The following COL5A1 variants were observed in gnomAD, a reference collection of about 807,000 sequenced individuals.
The protein encoded by COL5A1 is collagen alpha-1(V) chain.
COL5A1 carries 16 observed loss-of-function variants against 263.7 expected under a neutral mutation model. The observed-to-expected ratio is 0.06, with a 90% CI of 0.04 to 0.09. The LOEUF is 0.09. COL5A1 is among the 10% of genes least tolerant of loss of function. COL5A1 has a pLI of 1.00. For missense variants in COL5A1, 2,036 were observed against 2,540.5 expected, an observed-to-expected ratio of 0.80 and a Z score of 4.27; for synonymous variants, 1,012 against 1,004.5, an observed-to-expected ratio of 1.01 and a Z score of -0.14.
intron 27 of COL5A1, 25 bp from the exon 28 acceptor site, chr9:134,780,077 C>T (rs374770348): frequency 6.0e-5 from 96 of 1,613,308 alleles, no homozygotes; most frequent in Admixed American, 2.3e-4. Flanking sequence ...ACCATTCACT[C>T]CTTTTTCTTT....
chr9:134,745,591 C>T (rs1835481641), intron 11 of COL5A1, among the ~76,000 whole-genome samples: 1 of 152,146 alleles, frequency 6.6e-6, no homozygotes, highest in African/African-American at 2.4e-5. Flanking sequence ...TGATAGGGCC[C>T]CGCTTCCAGT....
intron 63 of COL5A1, among the ~76,000 whole-genome samples, chr9:134,829,466 C>T (rs1268351609): frequency 4.7e-5 from 7 of 150,358 alleles, no homozygotes; most frequent in Non-Finnish European, 7.4e-5. Flanking sequence ...GGCCTCCGGT[C>T]TCCCCGAGGG....
chr9:134,726,345 T>G (rs1184640271), intron 4 of COL5A1, among the ~76,000 whole-genome samples: 1 of 149,216 alleles, frequency 6.7e-6, no homozygotes, highest in African/African-American at 2.5e-5. Context: ...GACGGAGAGA[T>G]GGATGGAAGG....
At chr9:134,796,750 A>G in intron 35 of COL5A1, 98 bp from the exon 36 acceptor site, 1 of 1,109,252 alleles carries the variant, frequency 9.0e-7, no homozygotes, top group Non-Finnish European at 1.4e-6. Flanking sequence ...GGAAGAAATG[A>G]CACCTGCGTT....
intron 1 of COL5A1, among the ~76,000 whole-genome samples, chr9:134,650,869 C>T (rs557878285): frequency 6.6e-6 from 1 of 152,390 alleles, no homozygotes; most frequent in South Asian, 2.1e-4. Context: ...GGGATCGGCC[C>T]ATTCTGCAGA....
chr9:134,645,382 C>A (rs1441489786), intron 1 of COL5A1, among the ~76,000 whole-genome samples: 1 of 152,220 alleles, frequency 6.6e-6, no homozygotes, highest in Non-Finnish European at 1.5e-5. Context: ...GGGAGATAGA[C>A]CTTGATAGGT....
At position 134,680,998 on chromosome 9, in the gene COL5A1, C is replaced by G. The variant is rs1211026071; in HGVS notation, c.110-9914C>G. 6.6e-6 allele frequency among the ~76,000 whole-genome samples: 1 copy of G among 152,188 alleles called. No individual in the cohort carries two copies. The highest frequency in any genetic ancestry group is 1.5e-5 in the Non-Finnish European group (1 of 68,032). On this transcript the variant is annotated intron_variant, in intron 1 of 65. Transcript: ENST00000371817. The surrounding 1 kb of genome is among the most constrained non-coding windows in gnomAD (Gnocchi z 5.9). Reference sequence around the variant, plus strand: ...CATCCTCCCAGGATGGTGTCCTCGGCCTGTGCTGCAGCCCCAGGCCCTCTG... The same window carrying G: ...CATCCTCCCAGGATGGTGTCCTCGGGCTGTGCTGCAGCCCCAGGCCCTCTG...
At chr9:134,814,565 C>T (rs1052719434) in intron 49 of COL5A1, among the ~76,000 whole-genome samples, 2 of 152,228 alleles carry the variant, frequency 1.3e-5, no homozygotes, top group African/African-American at 4.8e-5. Flanking sequence ...AGCTGAATCT[C>T]AGGCTTTGAG....
chr9:134,768,514 T>G (rs1452305379), intron 25 of COL5A1, 51 bp downstream of exon 25: 2 of 1,571,216 alleles, frequency 1.3e-6, no homozygotes, highest in Admixed American at 1.7e-5. Context: ...ACCTCCACCC[T>G]GCGGATAGGG....
At chr9:134,801,893 T>C in intron 37 of COL5A1, 61 bp from the exon 38 acceptor site, 19 of 1,488,728 alleles carry the variant, frequency 1.3e-5, no homozygotes, top group Non-Finnish European at 1.8e-5. Flanking sequence ...CTGAGAACAG[T>C]GCAGGGCAGG....
rs1832787663 is a variant in COL5A1 at position 134,679,606 on chromosome 9, G to GGGGCTGGTTGGGGGCACTGCA, written c.110-11286_110-11285insAGGGCTGGTTGGGGGCACTGC. Among the ~76,000 whole-genome samples the GGGGCTGGTTGGGGGCACTGCA allele has an allele frequency of 1.6e-4, 14 of 89,848 alleles. 1 individual carries two copies. The highest frequency in any genetic ancestry group is 4.2e-4 in the African/African-American group (9 of 21,480). 58.9% of individuals were successfully genotyped at this position (89,848 alleles called of 152,430 possible). A position where few individuals can be genotyped will look rare whatever the true frequency, so the allele number is the denominator to read the frequency against. The stretch of plus-strand genomic sequence containing the variant: ...CACTGTGGGGCTGGTTGGGCACTGC[G>GGGGCTGGTTGGGGGCACTGCA]GGGCTGGTTGGGGGCACTGCGGGGC... On this transcript the variant is annotated intron_variant, in intron 1 of 65. Coordinates refer to ENST00000371817, the MANE Select transcript of COL5A1 (RefSeq NM_000093.5).
chr9:134,711,228 G>A lies in COL5A1; in HGVS notation c.654+9895G>A, dbSNP rs562060485. Among the ~76,000 whole-genome samples the A allele has an allele frequency of 4.6e-5, 7 of 152,188 alleles. No individual in the cohort carries two copies. The South Asian group carries it at 6.2e-4, about 14-fold the overall frequency. On this transcript the variant is annotated intron_variant, in intron 4 of 65. Transcript: ENST00000371817. ...GCCAGGTTGGCTCTGTTTCTCCCCC[G>A]TCTAAGGGAGGCTGCCTGGCTCTTC...
In COL5A1 at chr9:134,677,860, C is replaced by G. The variant is rs1832723377; in HGVS notation, c.110-13052C>G. ...TTTCTCCACAGCTGCCTGGAACGCC[C>G]CATGGCATGGTTCCACGGGAGGGGC... On this transcript the variant is annotated intron_variant, in intron 1 of 65. Transcript: ENST00000371817. This position sits in a 1 kb window ranked among gnomAD's most constrained non-coding sequence, Gnocchi z 4.4. Among the ~76,000 whole-genome samples the G allele has an allele frequency of 6.6e-6, 1 of 152,224 alleles. No individual in the cohort carries two copies. Among genetic ancestry groups the G allele is most frequent in the African/African-American group, 2.4e-5 (1 of 41,458 alleles).
chr9:134,824,014 C>T (rs1839143022), intron 61 of COL5A1, among the ~76,000 whole-genome samples: 2 of 142,982 alleles, frequency 1.4e-5, no homozygotes, highest in African/African-American at 5.7e-5. Flanking sequence ...GATATATGTG[C>T]ATGTGTGTGT....
intron 65 of COL5A1, among the ~76,000 whole-genome samples, chr9:134,837,083 G>T (rs1312394857): frequency 6.6e-6 from 1 of 152,218 alleles, no homozygotes; most frequent in African/African-American, 2.4e-5. Context: ...GCTCGGAATC[G>T]TGTCTGACCC....
At chr9:134,679,532 T>TA (rs1379766875) in intron 1 of COL5A1, among the ~76,000 whole-genome samples, 1 of 32,842 alleles carries the variant, frequency 3.0e-5, no homozygotes, top group African/African-American at 1.4e-4. Flanking sequence ...CAGGGCTGGT[T>TA]GGGGGCACTG....
chr9:134,750,465 G>A (rs1333699640), intron 11 of COL5A1, 77 bp from the exon 12 acceptor site: 3 of 1,357,274 alleles, frequency 2.2e-6, no homozygotes, highest in Non-Finnish European at 3.2e-6. Context: ...CCGCTTCTCC[G>A]ACGCCCTCAT....
chr9:134,768,337 C>T (rs373576718), intron 24 of COL5A1, 73 bp from the exon 25 acceptor site: 1 of 1,321,556 alleles, frequency 7.6e-7, no homozygotes, highest in Non-Finnish European at 1.1e-6. Context: ...TGAAAAGTAA[C>T]CTTGGTGGCC....
At chr9:134,823,282 A>T in intron 60 of COL5A1, 134 bp from the exon 61 acceptor site, 1 of 1,074,664 alleles carries the variant, frequency 9.3e-7, no homozygotes, top group Non-Finnish European at 1.5e-6. Context: ...GGTCTCTGCC[A>T]TTCTCTTCTC....
Sources: gnomAD v4.1 joint callset for allele counts (sites outside exome capture counted in the v4.1 genomes callset) on GRCh38, gnomAD v4.1.1 for gene constraint, Gnocchi (gnomAD v3.1) non-coding constraint, MANE v1.5 for transcripts, NCBI Gene and HGNC (gene_info 2026-07-23, HGNC 2026-07-21) for gene names.